Variants in RYR3 observed in about 807,000 individuals in gnomAD.
The protein encoded by RYR3 is brain ryanodine receptor-calcium release channel.
Under a neutral mutation model 584.3 loss-of-function variants are expected in RYR3, and 207 were observed. That is an observed-to-expected ratio of 0.35 (90% CI 0.32 to 0.40). The LOEUF (loss-of-function observed/expected upper bound fraction) is 0.40. Among genes scored for constraint, RYR3 ranks in the 10% least tolerant of loss-of-function variants. The pLI is 1.00. For missense variants in RYR3, 5,616 were observed against 6,089.2 expected (o/e 0.92, Z 2.59); for synonymous variants, 2,416 against 2,248.5 (o/e 1.07, Z -2.11).
chr15:33,504,528 C>G (rs1343400929), intron 3 of RYR3, among the ~76,000 whole-genome samples: 1 of 152,212 alleles, frequency 6.6e-6, no homozygotes. Context: ...CTATTAATTG[C>G]TTTGATTCCT....
chr15:33,354,962 T>A (rs1973762873), intron 1 of RYR3, among the ~76,000 whole-genome samples: 1 of 152,108 alleles, frequency 6.6e-6, no homozygotes, highest in South Asian at 2.1e-4. Flanking sequence ...GGCGGGCAGA[T>A]CACTTGAGGT....
In RYR3 at chr15:33,755,107, G is replaced by A; in HGVS notation, c.8442G>A (p.Lys2814=). Residue 2814 remains lysine, a synonymous_variant, in exon 58 of 104, where the codon AAG becomes AAA. Coordinates refer to ENST00000634891, the MANE Select transcript of RYR3 (RefSeq NM_001036.6). ...DMELDASSME[K]RFAYKFLKKI... ...AGCTGGATGCCTCCTCCATGGAGAA[G>A]AGGTTTGCCTATAAGTTCTTGAAGA... 6.2e-7 allele frequency: 1 copy of A among 1,613,526 alleles called. No individual in the cohort carries two copies. The highest frequency in any genetic ancestry group is 8.5e-7 in the Non-Finnish European group (1 of 1,179,692).
chr15:33,750,248 G>A lies in RYR3; in HGVS notation c.8361G>A (p.Leu2787=). ...KFKDREKAQD[L]FKFLQVNGII... ...AGGACCGGGAGAAGGCACAGGACCT[G>A]TTTAAGTTCCTCCAAGTGAATGGCA... The change falls in exon 57 of 104, where the codon CTG becomes CTA. Residue 2787 remains leucine (L), a synonymous_variant. Coordinates refer to ENST00000634891, the MANE Select transcript of RYR3 (RefSeq NM_001036.6). 2 of 1,610,616 alleles carry A rather than the reference G, an allele frequency of 1.2e-6. No individual in the cohort carries two copies. Among genetic ancestry groups the A allele is most frequent in the Non-Finnish European group, 8.5e-7 (1 of 1,178,398 alleles).
chr15:33,524,442 T>C (rs2054246705), intron 3 of RYR3, among the ~76,000 whole-genome samples: 1 of 152,206 alleles, frequency 6.6e-6, no homozygotes, highest in Non-Finnish European at 1.5e-5. Context: ...GTTAGGTTCT[T>C]TCCAGGTTTT....
chr15:33,634,122 G>T (rs1231949075), intron 24 of RYR3, among the ~76,000 whole-genome samples: 1 of 152,244 alleles, frequency 6.6e-6, no homozygotes, highest in East Asian at 1.9e-4. Flanking sequence ...CATGACCTCA[G>T]CTCACTGCAA....
At chr15:33,566,867 C>T in intron 12 of RYR3, 68 bp downstream of exon 12, 1 of 1,544,186 alleles carries the variant, frequency 6.5e-7, no homozygotes, top group Non-Finnish European at 8.9e-7. Flanking sequence ...CCACCACCCA[C>T]CTCCTTTTGA....
At chr15:33,594,472 C>G (rs1229870179) in intron 16 of RYR3, among the ~76,000 whole-genome samples, 2 of 152,116 alleles carry the variant, frequency 1.3e-5, no homozygotes, top group African/African-American at 4.8e-5. Flanking sequence ...TTTCTTAACT[C>G]TGTAAAACAA....
chr15:33,384,601 GCACACACA>G (rs10659855), intron 1 of RYR3, among the ~76,000 whole-genome samples: 1 of 145,318 alleles, frequency 6.9e-6, no homozygotes, highest in South Asian at 2.2e-4. Context: ...ATCTATATAT[GCACACACA>G]CACACACACA....
chr15:33,396,068 G>A (rs1310113358), intron 1 of RYR3, among the ~76,000 whole-genome samples: 1 of 152,078 alleles, frequency 6.6e-6, no homozygotes, highest in Admixed American at 6.5e-5. Context: ...TGTCATTCAG[G>A]GACACAGACA....
chr15:33,817,841 A>T (rs1237505100), intron 75 of RYR3, among the ~76,000 whole-genome samples: 2 of 152,174 alleles, frequency 1.3e-5, no homozygotes, highest in African/African-American at 2.4e-5. Context: ...TGAACCATTC[A>T]TACAACCCAT....
At chr15:33,864,401 T>C (rs1437721016) in intron 103 of RYR3, among the ~76,000 whole-genome samples, 1 of 151,298 alleles carries the variant, frequency 6.6e-6, no homozygotes, top group Non-Finnish European at 1.5e-5. Flanking sequence ...TTATAGCTAC[T>C]GCTTCAGACT....
chr15:33,512,984 T>C (rs1376471362), intron 3 of RYR3, among the ~76,000 whole-genome samples: 1 of 152,204 alleles, frequency 6.6e-6, no homozygotes, highest in African/African-American at 2.4e-5. Flanking sequence ...GGAGTAGAGA[T>C]GGGTTGTAAA....
chr15:33,730,544 A>G (rs575137249), intron 47 of RYR3, among the ~76,000 whole-genome samples: 44 of 152,380 alleles, frequency 2.9e-4, no homozygotes, highest in Non-Finnish European at 5.9e-4. Context: ...TATAGGAACA[A>G]TGAGACATGT....
chr15:33,486,067 A>G (rs1052626523), intron 2 of RYR3, among the ~76,000 whole-genome samples: 2 of 152,218 alleles, frequency 1.3e-5, no homozygotes, highest in African/African-American at 4.8e-5. Flanking sequence ...GTGTATGACC[A>G]TGAGAGGGTG....
Position 33,644,477 on chromosome 15 carries a change from C to T in RYR3, c.3723C>T (p.Leu1241=), listed in dbSNP as rs1263214293. Residue 1241 remains leucine (L), a synonymous_variant, in exon 28 of 104, where the codon CTC becomes CTT. Coordinates refer to ENST00000634891, the MANE Select transcript of RYR3 (RefSeq NM_001036.6). ...TTGCTATGTGGTTCAGCAAGCGCCTCCCGACGTTTGTCAACGTGCCAAAGG... is the reference window on the plus strand; with the variant it reads ...TTGCTATGTGGTTCAGCAAGCGCCTTCCGACGTTTGTCAACGTGCCAAAGG... ...RDVAMWFSKR[L]PTFVNVPKDH... is the part of the protein sequence containing the mutation. The T allele has an allele frequency of 1.9e-6, 3 of 1,613,794 alleles. No homozygotes were observed. Among genetic ancestry groups the T allele is most frequent in the Non-Finnish European group, 2.5e-6 (3 of 1,179,860 alleles).
At chr15:33,758,364 A>G (rs901234097) in intron 60 of RYR3, among the ~76,000 whole-genome samples, 2 of 152,170 alleles carry the variant, frequency 1.3e-5, no homozygotes, top group African/African-American at 4.8e-5. Flanking sequence ...TCCCACACCC[A>G]TGGAGCCCAA....
intron 1 of RYR3, among the ~76,000 whole-genome samples, chr15:33,371,710 G>C (rs2040345422): frequency 6.6e-6 from 1 of 152,140 alleles, no homozygotes; most frequent in African/African-American, 2.4e-5. Context: ...TTCATTTTCT[G>C]GGAACCAATG....
chr15:33,316,436 T>C (rs1227753483), intron 1 of RYR3, among the ~76,000 whole-genome samples: 1 of 152,172 alleles, frequency 6.6e-6, no homozygotes, highest in African/African-American at 2.4e-5. Context: ...CCCAATACTT[T>C]AGTTAATTTC....
At chr15:33,748,726 G>C (rs899543780) in intron 55 of RYR3, among the ~76,000 whole-genome samples, 196 bp downstream of exon 55, 4 of 152,178 alleles carry the variant, frequency 2.6e-5, no homozygotes, top group African/African-American at 9.7e-5. Context: ...GGGAGGCTTT[G>C]CGCTTCTTCT....
Sources: gnomAD v4.1 joint callset for allele counts (sites outside exome capture counted in the v4.1 genomes callset) on GRCh38, gnomAD v4.1.1 for gene constraint, MANE v1.5 for transcripts, NCBI Gene and HGNC (gene_info 2026-07-23, HGNC 2026-07-21) for gene names.